The following BMX variants were observed in gnomAD, a reference collection of about 807,000 sequenced individuals.
The protein encoded by BMX is BMX non-receptor tyrosine kinase.
BMX carries 31 observed loss-of-function variants against 59.2 expected under a neutral mutation model. The ratio of observed to expected loss-of-function variants is 0.52; its 90% confidence interval spans 0.39 to 0.71. The LOEUF (loss-of-function observed/expected upper bound fraction) is 0.71, where lower values mean the gene tolerates loss of function less well. Ranked by LOEUF, BMX falls within the 30% of genes least tolerant of loss-of-function variation. The pLI is 0.00. For synonymous variants in BMX, 185 were observed against 181.0 expected, an observed-to-expected ratio of 1.02 and a Z score of -0.18; for missense variants, 474 against 491.7, an observed-to-expected ratio of 0.96 and a Z score of 0.34.
At chrX:15,538,496 G>C (rs989501468) in intron 14 of BMX, among the ~76,000 whole-genome samples, 5 of 111,986 alleles carry the variant, frequency 4.5e-5, no homozygotes, top group African/African-American at 1.6e-4. Flanking sequence ...TAGAGATTGA[G>C]AGCACTTTTT....
At chrX:15,511,999 G>C (rs1300957898) in intron 4 of BMX, among the ~76,000 whole-genome samples, 1 of 112,179 alleles carries the variant, frequency 8.9e-6, no homozygotes, top group Non-Finnish European at 1.9e-5. Flanking sequence ...TCTATTGAAA[G>C]GGGTAATATT....
intron 5 of BMX, among the ~76,000 whole-genome samples, chrX:15,517,632 T>G (rs1346369561): frequency 8.9e-6 from 1 of 112,607 alleles, no homozygotes; most frequent in African/African-American, 3.2e-5. Flanking sequence ...CCTTGGCTTC[T>G]TCTGCTGAGC....
chrX:15,522,256 T>C lies in BMX; in HGVS notation c.511-90T>C, dbSNP rs958859405. On this transcript the variant is annotated intron_variant, in intron 6 of 18. Coordinates refer to ENST00000348343, the MANE Select transcript of BMX (RefSeq NM_203281.3). ...CTCCCTTCTCTCCTTCCTTTCTCTC[T>C]CTTTCAAGAGCTGATATACTTAATT... 6.6e-5 allele frequency: 67 copies of C among 1,009,545 alleles called. No individual in the cohort carries two copies. The Middle Eastern group carries it at 7.9e-4, about 12-fold the overall frequency. 83.2% of individuals were successfully genotyped at this position (1,009,545 alleles called of 1,213,427 possible).
rs1227560676 is a variant in BMX at position 15,508,370 on chromosome X, T to C, written c.17T>C (p.Ile6Thr). 15 of 1,134,092 alleles carry C rather than the reference T, an allele frequency of 1.3e-5. No homozygotes were observed. Among genetic ancestry groups the C allele is most frequent in the African/African-American group, 1.8e-5 (1 of 54,526 alleles). 93.5% of individuals were successfully genotyped at this position (1,134,092 alleles called of 1,213,427 possible). ...GATGATAATATGGATACAAAATCTA[T>C]TCTAGAAGAACTTCTTCTCAAAAGA... MDTKSILEELLLKRSQ... is the reference protein window; with the variant it reads MDTKSTLEELLLKRSQ... The change falls in exon 2 of 19, where the codon ATT (isoleucine) becomes ACT (threonine). Residue 6 changes from isoleucine to threonine, a missense_variant. Ile to Thr is a moderately conservative substitution (Grantham distance 89). Coordinates refer to ENST00000348343, the MANE Select transcript of BMX (RefSeq NM_203281.3).
At chrX:15,521,509 G>A (rs1229597065) in intron 6 of BMX, among the ~76,000 whole-genome samples, 1 of 111,820 alleles carries the variant, frequency 8.9e-6, no homozygotes, top group East Asian at 2.8e-4. Flanking sequence ...CTTATAGTTT[G>A]GAAGATCATA....
In BMX at chrX:15,536,414, G is replaced by A. The variant is rs746153361; in HGVS notation, c.1209G>A (p.Val403=). Reference sequence around the variant, plus strand: ...AGGCCAACAAGGTCCCCGACTCTGTGTCCCTGGGAAATGGTATGGATACAT... The same window carrying A: ...AGGCCAACAAGGTCCCCGACTCTGTATCCCTGGGAAATGGTATGGATACAT... ...STKANKVPDS[V]SLGNGIWELK... is the part of the protein sequence containing the mutation. Residue 403 remains valine (V), a synonymous_variant, in exon 13 of 19, where the codon GTG becomes GTA. Transcript: ENST00000348343. 6.6e-6 allele frequency: 8 copies of A among 1,205,284 alleles called. No homozygotes were observed. The highest frequency in any genetic ancestry group is 7.8e-6 in the Non-Finnish European group (7 of 891,801).
chrX:15,526,700 C>T (rs1014445209), intron 9 of BMX, among the ~76,000 whole-genome samples: 3 of 108,423 alleles, frequency 2.8e-5, no homozygotes, highest in African/African-American at 1.0e-4. Context: ...ATTCTCCTAC[C>T]TCAGCCTCCC....
At chrX:15,515,673 T>C (rs1924124224) in intron 4 of BMX, among the ~76,000 whole-genome samples, 1 of 111,748 alleles carries the variant, frequency 8.9e-6, no homozygotes, top group Non-Finnish European at 1.9e-5. Context: ...ATTTGAAAAT[T>C]TTCACAATAA....
chrX:15,541,114 AC>A (rs1925654165), intron 14 of BMX, among the ~76,000 whole-genome samples: 1 of 111,133 alleles, frequency 9.0e-6, no homozygotes, highest in Admixed American at 9.6e-5. Context: ...ATCACACTTT[AC>A]AAGAAGGTTT....
chrX:15,507,895 T>C (rs910613014), intron 1 of BMX, among the ~76,000 whole-genome samples: 10 of 111,889 alleles, frequency 8.9e-5, no homozygotes, highest in African/African-American at 2.6e-4. Flanking sequence ...TTTACAATAA[T>C]GTCAGTGTCT....
intron 4 of BMX, among the ~76,000 whole-genome samples, chrX:15,511,992 A>C (rs1279966964): frequency 8.9e-6 from 1 of 112,406 alleles, no homozygotes; most frequent in Non-Finnish European, 1.9e-5. Context: ...TGACAACTCT[A>C]TTGAAAGGGG....
chrX:15,522,196 C>A, intron 6 of BMX, 150 bp from the exon 7 acceptor site: 1 of 763,938 alleles, frequency 1.3e-6, no homozygotes, highest in Non-Finnish European at 1.9e-6. Flanking sequence ...CTTTCCTTGC[C>A]TCTTTCCTTC....
At chrX:15,511,057 T>C (rs893145874) in intron 3 of BMX, among the ~76,000 whole-genome samples, 2 of 111,889 alleles carry the variant, frequency 1.8e-5, no homozygotes, top group African/African-American at 3.2e-5. Flanking sequence ...TTTTTAAAGA[T>C]AGAGCAGTTA....
chrX:15,547,689 T>C (rs971139343), intron 17 of BMX, among the ~76,000 whole-genome samples: 1 of 112,333 alleles, frequency 8.9e-6, no homozygotes. Context: ...TAAAATGCTA[T>C]GTGGCCCTTT....
chrX:15,546,519 C>G (rs1925951617), intron 16 of BMX, among the ~76,000 whole-genome samples: 1 of 112,048 alleles, frequency 8.9e-6, no homozygotes, highest in Non-Finnish European at 1.9e-5. Flanking sequence ...GATAGAATTA[C>G]AGGTTATCTT....
chrX:15,511,455 C>A lies in BMX; in HGVS notation c.262C>A (p.Leu88Ile), dbSNP rs1171854947. 1 of 1,203,638 alleles carries A rather than the reference C, an allele frequency of 8.3e-7. No individual in the cohort carries two copies. Among genetic ancestry groups the A allele is most frequent in the Admixed American group, 2.2e-5 (1 of 45,543 alleles). Residue 88 changes from leucine to isoleucine, a missense_variant, in exon 4 of 19, where the codon CTT becomes ATT. Coordinates refer to ENST00000348343, the MANE Select transcript of BMX (RefSeq NM_203281.3). ...TTTCCAGATTGTCTATAAAGATGGG[C>A]TTCTCTATGTCTATGCATCAAATGA... ...YPFQIVYKDG[L>I]LYVYASNEES...
At chrX:15,550,100 A>G (rs1926121296) in intron 18 of BMX, 103 bp downstream of exon 18, 1 of 991,079 alleles carries the variant, frequency 1.0e-6, no homozygotes. Context: ...AGCAACTGGT[A>G]CAGAGCAGGA....
rs1924660077 is a variant in BMX, at chrX:15,525,296, G to A, written c.761G>A (p.Ser254Asn). 1 of 1,207,117 alleles carries A rather than the reference G, an allele frequency of 8.3e-7. No individual in the cohort carries two copies. The highest frequency in any genetic ancestry group is 1.7e-5 in the African/African-American group (1 of 57,285). The change falls in exon 8 of 19, where the codon AGC (serine) becomes AAC (asparagine). Residue 254 changes from serine to asparagine, a missense_variant. Transcript: ENST00000348343. ...WQVRKLKSSS[S>N]SEDVASSNQK... The stretch of plus-strand genomic sequence containing the variant: ...ATGTCTCTTTTTTGCAGTAGCAGCA[G>A]CAGTGAAGATGTTGCAAGCAGTAAC...
intron 5 of BMX, 96 bp from the exon 6 acceptor site, chrX:15,517,833 C>A: frequency 1.3e-6 from 1 of 747,633 alleles, no homozygotes; most frequent in South Asian, 2.3e-5. Context: ...GAGTATTGCT[C>A]ACACAAGCTG....
Sources: gnomAD v4.1 joint callset for allele counts (sites outside exome capture counted in the v4.1 genomes callset) on GRCh38, gnomAD v4.1.1 for gene constraint, MANE v1.5 for transcripts, NCBI Gene and HGNC (gene_info 2026-07-23, HGNC 2026-07-21) for gene names.